Variants in THNSL1 observed in about 807,000 individuals in gnomAD.
THNSL1 encodes the protein threonine synthase-like 1.
In THNSL1, 48 loss-of-function variants were observed where a neutral mutation model predicts 50.4. The ratio of observed to expected loss-of-function variants is 0.95; its 90% CI spans 0.76 to 1.21. THNSL1 has a LOEUF of 1.21. Among genes scored for constraint, THNSL1 ranks in the 50% most tolerant of loss-of-function variants. The pLI is 0.00. For synonymous variants in THNSL1, 309 were observed against 306.1 expected, an observed-to-expected ratio of 1.01 and a Z score of -0.10; for missense variants, 896 against 871.7, an observed-to-expected ratio of 1.03 and a Z score of -0.35.
chr10:24,958,313 C>T, the THNSL1 span, among the ~76,000 whole-genome samples: 1 of 152,260 alleles, frequency 6.6e-6, no homozygotes, highest in South Asian at 2.1e-4. Flanking sequence ...CCACTGTGGA[C>T]AAAGGCCAGT....
the THNSL1 span, among the ~76,000 whole-genome samples, chr10:24,955,779 C>G: frequency 6.6e-6 from 1 of 151,992 alleles, no homozygotes. Context: ...GACCACATCA[C>G]TATAAAAAAT....
At chr10:24,995,287 A>C in the THNSL1 span, among the ~76,000 whole-genome samples, 2 of 152,206 alleles carry the variant, frequency 1.3e-5, no homozygotes, top group Non-Finnish European at 2.9e-5. Flanking sequence ...AAATCTTAAG[A>C]CCATCTGACA....
At chr10:24,975,912 G>A in the THNSL1 span, among the ~76,000 whole-genome samples, 1 of 152,192 alleles carries the variant, frequency 6.6e-6, no homozygotes, top group Non-Finnish European at 1.5e-5. Context: ...ATCTTAGAAA[G>A]GATCATAATT....
At chr10:25,015,863 G>A (rs775952154), upstream of THNSL1, 10 of 1,603,216 alleles carry the variant, frequency 6.2e-6, no homozygotes, top group Non-Finnish European at 7.7e-6. Context: ...CACATACCTA[G>A]GAGGCTGGGG....
At chr10:25,016,271 G>A, upstream of THNSL1, 1 of 743,220 alleles carries the variant, frequency 1.3e-6, no homozygotes, top group Non-Finnish European at 1.7e-6. Context: ...AAGCTCATTT[G>A]GAAGCCACTG....
chr10:24,998,119 A>C, the THNSL1 span, among the ~76,000 whole-genome samples: 1 of 152,172 alleles, frequency 6.6e-6, no homozygotes, highest in South Asian at 2.1e-4. Flanking sequence ...ATATGGGTTG[A>C]GAGAGGATTT....
Position 25,025,009 on chromosome 10 carries a change from A to T in THNSL1, c.1786A>T (p.Ser596Cys). 1 of 1,614,166 alleles carries T rather than the reference A, an allele frequency of 6.2e-7. No homozygotes were observed. Among genetic ancestry groups the T allele is most frequent in the Non-Finnish European group, 8.5e-7 (1 of 1,179,966 alleles). ...LMTELFNRLE[S>C]QHHFQIEKAL... ...GACAGAATTATTTAATCGATTAGAA[A>T]GTCAGCATCATTTCCAGATAGAAAA... The change falls in exon 3 of 3, where the codon AGT becomes TGT. Residue 596 changes from serine to cysteine, a missense_variant. Physicochemically the swap from Ser to Cys is moderately radical, Grantham distance 112. Transcript: ENST00000376356.
At chr10:24,987,029 C>A in the THNSL1 span, among the ~76,000 whole-genome samples, 1 of 152,160 alleles carries the variant, frequency 6.6e-6, no homozygotes, top group African/African-American at 2.4e-5. Flanking sequence ...ACATTCTCCA[C>A]CTTGTGGGGT....
chr10:24,976,565 C>T, the THNSL1 span, among the ~76,000 whole-genome samples: 1 of 152,080 alleles, frequency 6.6e-6, no homozygotes, highest in Non-Finnish European at 1.5e-5. Flanking sequence ...TCTTGGCTCA[C>T]TGCAACCTCC....
chr10:24,992,748 TTAACCC>T, the THNSL1 span, among the ~76,000 whole-genome samples: 1 of 152,230 alleles, frequency 6.6e-6, no homozygotes, highest in Non-Finnish European at 1.5e-5. Context: ...ACAGTGTAAC[TTAACCC>T]ATCCTGACTG....
At chr10:24,990,892 G>A in the THNSL1 span, among the ~76,000 whole-genome samples, 2 of 152,140 alleles carry the variant, frequency 1.3e-5, no homozygotes, top group African/African-American at 4.8e-5. Context: ...TTGAGGTCAG[G>A]AGTTCGAGAC....
the THNSL1 span, among the ~76,000 whole-genome samples, chr10:24,998,105 T>C: frequency 6.6e-6 from 1 of 152,062 alleles, no homozygotes; most frequent in Non-Finnish European, 1.5e-5. Flanking sequence ...CCTTTTTTCA[T>C]GAGATATGGG....
At chr10:24,968,599 TCC>T in the THNSL1 span, among the ~76,000 whole-genome samples, 1 of 152,128 alleles carries the variant, frequency 6.6e-6, no homozygotes, top group African/African-American at 2.4e-5. Context: ...CTGCCTCTTC[TCC>T]TCCTTTGTAT....
chr10:24,959,620 G>A, the THNSL1 span, among the ~76,000 whole-genome samples: 1 of 151,942 alleles, frequency 6.6e-6, no homozygotes, highest in African/African-American at 2.4e-5. Flanking sequence ...ACGCCAATAT[G>A]CACTGCCAAT....
the THNSL1 span, among the ~76,000 whole-genome samples, chr10:24,981,176 G>T: frequency 6.6e-6 from 1 of 152,208 alleles, no homozygotes; most frequent in Non-Finnish European, 1.5e-5. Context: ...TAATTCATGT[G>T]CATCTGACTC....
the THNSL1 span, among the ~76,000 whole-genome samples, chr10:24,997,368 C>A: frequency 2.6e-5 from 4 of 151,700 alleles, no homozygotes; most frequent in Non-Finnish European, 5.9e-5. Context: ...TTTGCAAAAC[C>A]CTGCATTCCT....
chr10:24,990,591 C>G, the THNSL1 span: 3 of 1,602,796 alleles, frequency 1.9e-6, no homozygotes, highest in Non-Finnish European at 2.5e-6. Flanking sequence ...CATATGTATT[C>G]AGGTGTGACA....
At chr10:24,956,645 C>T in the THNSL1 span, among the ~76,000 whole-genome samples, 1 of 151,984 alleles carries the variant, frequency 6.6e-6, no homozygotes, top group Non-Finnish European at 1.5e-5. Flanking sequence ...AAGCATTTTT[C>T]TTTTCTTTGT....
chr10:25,015,220 T>C (rs942387856), upstream of THNSL1, among the ~76,000 whole-genome samples: 5 of 152,212 alleles, frequency 3.3e-5, no homozygotes, highest in Non-Finnish European at 7.3e-5. Flanking sequence ...TTTAAGAGGT[T>C]CTAAGACCTA....
Sources: gnomAD v4.1 joint callset for allele counts (sites outside exome capture counted in the v4.1 genomes callset) on GRCh38, gnomAD v4.1.1 for gene constraint, MANE v1.5 for transcripts, NCBI Gene and HGNC (gene_info 2026-07-23, HGNC 2026-07-21) for gene names.